The following ARHGEF10L variants were observed in gnomAD, a reference collection of about 807,000 sequenced individuals.
ARHGEF10L encodes the protein Rho guanine nucleotide exchange factor 10 like.
In ARHGEF10L, 69 loss-of-function variants were observed where a neutral mutation model predicts 141.2. The observed-to-expected ratio is 0.49, with a 90% CI of 0.40 to 0.60. The LOEUF (loss-of-function observed/expected upper bound fraction) is 0.60, where lower values mean the gene tolerates loss of function less well. ARHGEF10L is among the 20% of genes least tolerant of loss of function. The probability of loss-of-function intolerance (pLI) is 0.00; values close to 1 mark genes in which losing one functional copy is unlikely to be tolerated. For synonymous variants in ARHGEF10L, 711 were observed against 718.5 expected, an observed-to-expected ratio of 0.99 and a Z score of 0.17; for missense variants, 1,482 against 1,734.3, an observed-to-expected ratio of 0.85 and a Z score of 2.58.
In ARHGEF10L at chr1:17,616,174, C is replaced by G. The variant is rs372735852; in HGVS notation, c.807C>G (p.Val269=). ...EKTRMAVMRK[V]SFLHRKDVLG... The stretch of plus-strand genomic sequence containing the variant: ...CACGGATGGCCGTGATGCGCAAAGT[C>G]TCCTTCCTGCACAGGAAGGACGTCC... The change falls in exon 9 of 29, where the codon GTC becomes GTG. Residue 269 remains valine, a synonymous_variant. Coordinates refer to ENST00000361221, the MANE Select transcript of ARHGEF10L (RefSeq NM_018125.4). 15 of 1,613,526 alleles carry G rather than the reference C, an allele frequency of 9.3e-6. No individual in the cohort carries two copies. The African/African-American group carries it at 1.7e-4, about 19-fold the overall frequency.
intron 1 of ARHGEF10L, among the ~76,000 whole-genome samples, chr1:17,552,719 C>T (rs1000709597): frequency 2.0e-5 from 3 of 151,842 alleles, no homozygotes; most frequent in Non-Finnish European, 2.9e-5. Flanking sequence ...CCACCGTGTC[C>T]AGCCTCTTGT....
intron 27 of ARHGEF10L, among the ~76,000 whole-genome samples, chr1:17,692,217 CT>C (rs1425245832): frequency 6.6e-6 from 1 of 152,144 alleles, no homozygotes; most frequent in Non-Finnish European, 1.5e-5. Context: ...GAAATAGCCC[CT>C]GTTGGCCAAG....
intron 2 of ARHGEF10L, among the ~76,000 whole-genome samples, chr1:17,581,309 C>CTAA (rs2078531188): frequency 1.4e-5 from 1 of 69,292 alleles, no homozygotes; most frequent in Non-Finnish European, 2.5e-5. Context: ...AAGACTGTCT[C>CTAA]AAAAAAAAAA....
At chr1:17,536,618 G>A (rs2076579394), upstream of ARHGEF10L, among the ~76,000 whole-genome samples, 1 of 152,194 alleles carries the variant, frequency 6.6e-6, no homozygotes, top group Admixed American at 6.5e-5. Context: ...TTATTTTCCA[G>A]CATATGTTTT....
At chr1:17,519,776 A>G in the ARHGEF10L span, among the ~76,000 whole-genome samples, 1 of 151,970 alleles carries the variant, frequency 6.6e-6, no homozygotes, top group Non-Finnish European at 1.5e-5. Flanking sequence ...TGGAGGTTGC[A>G]GCGATGCAGT....
intron 4 of ARHGEF10L, among the ~76,000 whole-genome samples, chr1:17,601,004 C>A (rs1282054308): frequency 6.8e-6 from 1 of 147,430 alleles, no homozygotes; most frequent in Admixed American, 6.8e-5. Context: ...GAGCCGAGAT[C>A]GCACCACCGC....
In ARHGEF10L at chr1:17,697,174, G is replaced by C. The variant is rs766125640; in HGVS notation, c.3634G>C (p.Glu1212Gln). The change falls in exon 29 of 29, where the codon GAG becomes CAG. Residue 1212 changes from glutamate to glutamine, a missense_variant. Transcript: ENST00000361221. The surrounding 1 kb of genome is among the most constrained non-coding windows in gnomAD (Gnocchi z 4.8). ...CAGCGAGGAGGACGGCTCCATTTAC[G>C]AGATGGCCGACGACCCCGACATCTG... ...EHSEEDGSIYEMADDPDIWVR... is the reference protein window; with the variant it reads ...EHSEEDGSIYQMADDPDIWVR... 6.2e-6 allele frequency: 10 copies of C among 1,612,050 alleles called. No homozygotes were observed. Among genetic ancestry groups the C allele is most frequent in the South Asian group, 1.1e-5 (1 of 91,026 alleles).
chr1:17,647,936 G>A (rs1455335268), intron 21 of ARHGEF10L, among the ~76,000 whole-genome samples: 3 of 152,124 alleles, frequency 2.0e-5, no homozygotes, highest in Non-Finnish European at 4.4e-5. Context: ...TACTTGTAAC[G>A]GGTCCCTGGG....
At chr1:17,560,799 A>G (rs2077514471) in intron 1 of ARHGEF10L, among the ~76,000 whole-genome samples, 2 of 152,162 alleles carry the variant, frequency 1.3e-5, no homozygotes, top group African/African-American at 4.8e-5. Flanking sequence ...TCCTGATCTC[A>G]GGTGATCTGC....
At chr1:17,556,187 C>T (rs530602579) in intron 1 of ARHGEF10L, among the ~76,000 whole-genome samples, 22 of 93,318 alleles carry the variant, frequency 2.4e-4, no homozygotes, top group African/African-American at 8.1e-4. Flanking sequence ...GCTGGGAGCC[C>T]GGAGAGGGGC....
intron 19 of ARHGEF10L, 79 bp downstream of exon 19, chr1:17,638,082 G>A: frequency 7.6e-7 from 1 of 1,307,798 alleles, no homozygotes; most frequent in Non-Finnish European, 1.1e-6. Context: ...TGAGTAGGGA[G>A]GGGCTCCTCT....
At chr1:17,542,564 T>C (rs1040267879) in intron 1 of ARHGEF10L, among the ~76,000 whole-genome samples, 3 of 152,218 alleles carry the variant, frequency 2.0e-5, no homozygotes, top group Admixed American at 1.3e-4. Flanking sequence ...AGCATGTACC[T>C]CTTACACACT....
intron 22 of ARHGEF10L, among the ~76,000 whole-genome samples, chr1:17,652,461 T>C (rs1157638167): frequency 6.6e-6 from 1 of 152,130 alleles, no homozygotes; most frequent in Admixed American, 6.5e-5. Context: ...CCTGACTGGG[T>C]CACCTTGAGG....
intron 7 of ARHGEF10L, among the ~76,000 whole-genome samples, chr1:17,612,110 C>G (rs2059580468): frequency 6.6e-6 from 1 of 152,150 alleles, no homozygotes; most frequent in Non-Finnish European, 1.5e-5. Flanking sequence ...CATTCTCCAG[C>G]AGTGTGCCAG....
At chr1:17,638,417 TG>T in intron 19 of ARHGEF10L, 144 bp from the exon 20 acceptor site, 3 of 1,222,610 alleles carry the variant, frequency 2.5e-6, no homozygotes, top group Non-Finnish European at 3.4e-6. Flanking sequence ...GCCTCCTGCG[TG>T]GGGCTAAATG....
chr1:17,639,014 G>C lies in ARHGEF10L; in HGVS notation c.2171+325G>C, dbSNP rs902078615. ...TTTTCAGTCACTTCAGCCTATCTAG[G>C]CCCCCAGGCCAGGCCCTGGGTTTCC... On this transcript the variant is annotated intron_variant, in intron 20 of 28. Transcript: ENST00000361221. The surrounding 1 kb of genome is among the most constrained non-coding windows in gnomAD (Gnocchi z 4.3). Among the ~76,000 whole-genome samples the C allele has an allele frequency of 6.6e-6, 1 of 152,062 alleles. No individual in the cohort carries two copies. Among genetic ancestry groups the C allele is most frequent in the African/African-American group, 2.4e-5 (1 of 41,386 alleles).
intron 7 of ARHGEF10L, 46 bp downstream of exon 7, chr1:17,608,023 C>A (rs939523503): frequency 8.8e-6 from 12 of 1,367,600 alleles, no homozygotes; most frequent in Non-Finnish European, 1.0e-5. Flanking sequence ...GGCACGGAGA[C>A]CCCTTCAGGG....
chr1:17,623,234 C>T lies in ARHGEF10L; in HGVS notation c.1200+59C>T. ...AAGGTAAAACCACAACCAGTCTGAC[C>T]CCGGGGCCATGCAGTCCAGCCTCCT... On this transcript the variant is annotated intron_variant, in intron 12 of 28. Coordinates refer to ENST00000361221, the MANE Select transcript of ARHGEF10L (RefSeq NM_018125.4). This position sits in a 1 kb window ranked among gnomAD's most constrained non-coding sequence, Gnocchi z 4.7. 2 of 1,571,388 alleles carry T rather than the reference C, an allele frequency of 1.3e-6. No homozygotes were observed. Among genetic ancestry groups the T allele is most frequent in the East Asian group, 2.2e-5 (1 of 44,650 alleles).
At chr1:17,696,012 C>T (rs1274296113) in intron 28 of ARHGEF10L, among the ~76,000 whole-genome samples, 1 of 151,894 alleles carries the variant, frequency 6.6e-6, no homozygotes, top group African/African-American at 2.4e-5. Flanking sequence ...GCCTGGGCAA[C>T]ACAGTGAAAC....
Sources: allele counts gnomAD v4.1 joint callset (sites outside exome capture counted in the v4.1 genomes callset), GRCh38; gene constraint gnomAD v4.1.1; non-coding constraint Gnocchi (gnomAD v3.1); transcripts MANE v1.5; gene names NCBI Gene and HGNC (gene_info 2026-07-23, HGNC 2026-07-21).